Variants in CYP2J2 observed in about 807,000 individuals in gnomAD.
The protein encoded by CYP2J2 is cytochrome P450 family 2 subfamily J member 2.
Under a neutral mutation model 48.8 loss-of-function variants are expected in CYP2J2, and 41 were observed. That is an observed-to-expected ratio of 0.84 (90% CI 0.66 to 1.09). The LOEUF (loss-of-function observed/expected upper bound fraction) is 1.09. Ranked by LOEUF, CYP2J2 falls within the 50% of genes least tolerant of loss-of-function variation. The pLI, the probability that CYP2J2 is intolerant of heterozygous loss-of-function variation, is 0.00. For missense variants in CYP2J2, 644 were observed against 617.3 expected (o/e 1.04, Z -0.46); for synonymous variants, 221 against 227.1 (o/e 0.97, Z 0.24).
chr1:59,954,485 C>G, the CYP2J2 span, among the ~76,000 whole-genome samples: 1 of 150,442 alleles, frequency 6.6e-6, no homozygotes, highest in Admixed American at 6.7e-5. Context: ...ACAAAGGAAC[C>G]TATTTTATTT....
At chr1:59,932,183 C>T in the CYP2J2 span, among the ~76,000 whole-genome samples, 9 of 152,084 alleles carry the variant, frequency 5.9e-5, no homozygotes, top group Admixed American at 3.9e-4. Context: ...ATATTTTTAA[C>T]GTCCTGAAAG....
At chr1:59,938,916 G>A in the CYP2J2 span, among the ~76,000 whole-genome samples, 1 of 152,240 alleles carries the variant, frequency 6.6e-6, no homozygotes, top group Admixed American at 6.5e-5. Flanking sequence ...CTTTTACCAA[G>A]CATACTGCTT....
chr1:59,962,325 A>G, the CYP2J2 span, among the ~76,000 whole-genome samples: 1 of 152,198 alleles, frequency 6.6e-6, no homozygotes, highest in Non-Finnish European at 1.5e-5. Context: ...TCCCTAATGT[A>G]AGACAGCAGC....
the CYP2J2 span, among the ~76,000 whole-genome samples, chr1:59,955,720 T>A: frequency 3.3e-4 from 50 of 152,232 alleles, no homozygotes; most frequent in Middle Eastern, 6.8e-3. Flanking sequence ...ACTTAATGTA[T>A]GCACGAGGAA....
chr1:59,909,949 G>A lies in CYP2J2; in HGVS notation c.696C>T (p.Val232=), dbSNP rs568654777. Residue 232 remains valine (V), a synonymous_variant, in exon 5 of 9, where the codon GTC becomes GTT. Coordinates refer to ENST00000371204, the MANE Select transcript of CYP2J2 (RefSeq NM_000775.4). ...GCAGGAATTTCATTATCCATGGAAA[G>A]ACATTGTAGAGCTAATTGAGAAAAA... The part of the protein sequence containing the change: ...EASKTCQLYN[V]FPWIMKFLPG... 1 of 1,605,164 alleles carries A rather than the reference G, an allele frequency of 6.2e-7. No homozygotes were observed. Among genetic ancestry groups the A allele is most frequent in the Non-Finnish European group, 8.5e-7 (1 of 1,177,450 alleles).
the CYP2J2 span, among the ~76,000 whole-genome samples, chr1:59,941,808 C>T: frequency 6.6e-6 from 1 of 151,692 alleles, no homozygotes; most frequent in Non-Finnish European, 1.5e-5. Flanking sequence ...AGAAATGAAA[C>T]ATTTTTGTAC....
the CYP2J2 span, among the ~76,000 whole-genome samples, chr1:59,955,679 T>C: frequency 5.9e-5 from 9 of 152,114 alleles, no homozygotes; most frequent in South Asian, 2.1e-4. Flanking sequence ...TACAACATCA[T>C]GTATGTAGTA....
the CYP2J2 span, among the ~76,000 whole-genome samples, chr1:59,967,317 C>G: frequency 6.6e-6 from 1 of 152,334 alleles, no homozygotes; most frequent in East Asian, 1.9e-4. Context: ...CTGTTCCTTT[C>G]CAATGAGTCA....
At chr1:59,926,904 A>G, upstream of CYP2J2, 1 of 664,534 alleles carries the variant, frequency 1.5e-6, no homozygotes, top group Non-Finnish European at 2.5e-6. Context: ...CCGGGAGGAC[A>G]CGCACCGGTC....
chr1:59,967,491 CTG>C, the CYP2J2 span, among the ~76,000 whole-genome samples: 3 of 152,248 alleles, frequency 2.0e-5, no homozygotes, highest in African/African-American at 7.2e-5. Flanking sequence ...GTGCTGTGGG[CTG>C]TGTTTCCTTT....
chr1:59,926,463 G>A (rs1644565031), intron 1 of CYP2J2, 74 bp downstream of exon 1: 3 of 1,317,930 alleles, frequency 2.3e-6, no homozygotes, highest in South Asian at 1.2e-5. Context: ...CCCCACCCAC[G>A]TTGCCGGAAC....
intron 5 of CYP2J2, 54 bp downstream of exon 5, chr1:59,909,730 A>G: frequency 1.5e-6 from 2 of 1,363,212 alleles, no homozygotes; most frequent in East Asian, 2.4e-5. Context: ...GGAAACTAAT[A>G]TACCTCTATT....
chr1:59,942,396 C>T, the CYP2J2 span, among the ~76,000 whole-genome samples: 4 of 152,080 alleles, frequency 2.6e-5, no homozygotes, highest in East Asian at 7.7e-4. Flanking sequence ...AGATTCTTCT[C>T]CTAAAATGGG....
intron 6 of CYP2J2, among the ~76,000 whole-genome samples, chr1:59,906,809 A>G (rs1221718152): frequency 6.6e-6 from 1 of 152,220 alleles, no homozygotes; most frequent in African/African-American, 2.4e-5. Context: ...ATACATATAA[A>G]GCATACATTA....
At chr1:59,931,975 G>GT in the CYP2J2 span, among the ~76,000 whole-genome samples, 1 of 152,038 alleles carries the variant, frequency 6.6e-6, no homozygotes, top group African/African-American at 2.4e-5. Flanking sequence ...AGCCATAAAT[G>GT]TTTTTTGAAT....
the CYP2J2 span, among the ~76,000 whole-genome samples, chr1:59,959,701 GACT>G: frequency 1.6e-4 from 25 of 151,726 alleles, no homozygotes; most frequent in African/African-American, 7.3e-5. Context: ...ACACACCATG[GACT>G]ACTACTCAAC....
chr1:59,953,330 T>C, the CYP2J2 span, among the ~76,000 whole-genome samples: 1 of 152,192 alleles, frequency 6.6e-6, no homozygotes, highest in Non-Finnish European at 1.5e-5. Context: ...CTGTGCTAGA[T>C]ACTGTTCTAG....
the CYP2J2 span, among the ~76,000 whole-genome samples, chr1:59,951,283 C>T: frequency 6.6e-6 from 1 of 152,132 alleles, no homozygotes; most frequent in Non-Finnish European, 1.5e-5. Context: ...ATCTCTGATC[C>T]TTCTCCAGAC....
chr1:59,937,077 T>G, the CYP2J2 span, among the ~76,000 whole-genome samples: 1 of 152,216 alleles, frequency 6.6e-6, no homozygotes, highest in East Asian at 1.9e-4. Flanking sequence ...GATTGGCAGC[T>G]GGTCCTGCCA....
Sources: allele counts gnomAD v4.1 joint callset (sites outside exome capture counted in the v4.1 genomes callset), GRCh38; gene constraint gnomAD v4.1.1; transcripts MANE v1.5; gene names NCBI Gene and HGNC (gene_info 2026-07-23, HGNC 2026-07-21).